SMAD9: variants seen among roughly 807,000 people sequenced by gnomAD.
SMAD9 encodes MAD homolog 9.
Under a neutral mutation model 46.1 loss-of-function variants are expected in SMAD9, and 36 were observed. The observed-to-expected ratio is 0.78, with a 90% CI of 0.60 to 1.03. SMAD9 has a LOEUF of 1.03. Among genes scored for constraint, SMAD9 ranks in the 50% least tolerant of loss-of-function variants. The pLI is 0.00. For synonymous variants in SMAD9, 245 were observed against 237.1 expected, an observed-to-expected ratio of 1.03 and a Z score of -0.31; for missense variants, 572 against 599.8, an observed-to-expected ratio of 0.95 and a Z score of 0.48.
chr13:36,885,643 G>A (rs1169865748), intron 1 of SMAD9, among the ~76,000 whole-genome samples: 1 of 151,700 alleles, frequency 6.6e-6, no homozygotes, highest in Non-Finnish European at 1.5e-5. Context: ...AGTTTTCTGG[G>A]TGGAATACCT....
intron 5 of SMAD9, among the ~76,000 whole-genome samples, chr13:36,863,846 C>G (rs1166993671): frequency 6.6e-6 from 1 of 152,136 alleles, no homozygotes; most frequent in African/African-American, 2.4e-5. Flanking sequence ...CCAAATAAAC[C>G]TCTTTTTTTA....
intron 1 of SMAD9, among the ~76,000 whole-genome samples, chr13:36,900,140 AAACAT>A (rs2058561869): frequency 6.6e-6 from 1 of 152,148 alleles, no homozygotes; most frequent in Admixed American, 6.5e-5. Flanking sequence ...ACTTTCCCTC[AAACAT>A]ACCAAGTATG....
At chr13:36,919,496 G>A (rs2058724421) in intron 1 of SMAD9, among the ~76,000 whole-genome samples, 1 of 152,122 alleles carries the variant, frequency 6.6e-6, no homozygotes, top group Non-Finnish European at 1.5e-5. Flanking sequence ...GGTAAACAAA[G>A]CAAAAAGCCT....
rs761812133 is a variant in SMAD9 at position 36,879,461 on chromosome 13, C to T, written c.229G>A (p.Gly77Arg). 23 of 1,613,804 alleles carry T rather than the reference C, an allele frequency of 1.4e-5. No homozygotes were observed. Among genetic ancestry groups the T allele is most frequent in the Non-Finnish European group, 1.9e-5 (22 of 1,180,032 alleles). The change falls in exon 2 of 7, where the codon GGG becomes AGG. Residue 77 changes from glycine to arginine, a missense_variant. Transcript: ENST00000379826. ...TTGCGGTGGGACACCTGCAGCCGCC[C>T]GTCCAGGGAGCGGGGAATCGTGACG... is the stretch of plus-strand genomic sequence containing the variant. ...KCVTIPRSLDGRLQVSHRKGL... is the reference protein window; with the variant it reads ...KCVTIPRSLDRRLQVSHRKGL...
intron 1 of SMAD9, among the ~76,000 whole-genome samples, chr13:36,911,094 C>A (rs181090892): frequency 5.6e-4 from 86 of 152,282 alleles, no homozygotes; most frequent in African/African-American, 1.9e-3. Context: ...CAGCCTCAAC[C>A]TGCCAGGCTC....
chr13:36,893,834 CAAG>C (rs946260466), intron 1 of SMAD9, among the ~76,000 whole-genome samples: 6 of 151,966 alleles, frequency 3.9e-5, no homozygotes, highest in African/African-American at 1.2e-4. Context: ...AGTAGCCCAA[CAAG>C]AAGATGTGGC....
intron 1 of SMAD9, among the ~76,000 whole-genome samples, chr13:36,907,489 G>A (rs370150455): frequency 5.3e-5 from 8 of 152,256 alleles, no homozygotes; most frequent in South Asian, 2.1e-4. Flanking sequence ...GCAACAGAGC[G>A]AGACCCCATC....
In SMAD9 at chr13:36,872,759, G is replaced by C; in HGVS notation, c.569C>G (p.Pro190Arg). The C allele has an allele frequency of 6.2e-7, 1 of 1,614,108 alleles. No homozygotes were observed. Among genetic ancestry groups the C allele is most frequent in the Non-Finnish European group, 8.5e-7 (1 of 1,180,022 alleles). ...GGAGAACGCGTGGCTGGGTGAGGGA[G>C]GGAGTGCAGAGCACGGAGGCTGCTG... ...SFQQPPCSALPPSPSHAFSQS... is the reference protein window; with the variant it reads ...SFQQPPCSALRPSPSHAFSQS... Residue 190 changes from proline (P) to arginine (R), a missense_variant, in exon 3 of 7, where the codon CCT becomes CGT. By Grantham distance (103) the Pro-to-Arg change is moderately radical. Coordinates refer to ENST00000379826, the MANE Select transcript of SMAD9 (RefSeq NM_001127217.3).
At chr13:36,903,417 AC>A (rs1335419746) in intron 1 of SMAD9, among the ~76,000 whole-genome samples, 15 of 151,886 alleles carry the variant, frequency 9.9e-5, no homozygotes, top group Admixed American at 9.8e-4. Context: ...CAGCCACCAC[AC>A]CCGGCCTGGA....
At position 36,879,777 on chromosome 13, in the gene SMAD9, T is replaced by C. The variant is rs2058386926; in HGVS notation, c.-88A>G. 2 of 1,469,388 alleles carry C rather than the reference T, an allele frequency of 1.4e-6. No individual in the cohort carries two copies. The highest frequency in any genetic ancestry group is 2.3e-5 in the East Asian group (1 of 44,074). 91.0% of individuals were successfully genotyped at this position (1,469,388 alleles called of 1,614,324 possible). A position where few individuals can be genotyped will look rare whatever the true frequency, so the allele number is the denominator to read the frequency against. ...GGCGAGTAGCTCTCCAGGGGTGGCA[T>C]AGGGACCAACCCGCCCGTTCTTCTG... is the stretch of plus-strand genomic sequence containing the variant. On this transcript the variant is annotated 5_prime_UTR_variant, in exon 2 of 7. An upstream start codon of the reference 5' UTR is lost. Coordinates refer to ENST00000379826, the MANE Select transcript of SMAD9 (RefSeq NM_001127217.3).
At position 36,891,595 on chromosome 13, in the gene SMAD9, A is replaced by G. The variant is rs1433927273; in HGVS notation, c.-186-11720T>C. The stretch of plus-strand genomic sequence containing the variant: ...AAAACTCTGGGCCAGGCCAGAAGTA[A>G]TGTATTTTCTTCATTACACCCGGCC... On this transcript the variant is annotated intron_variant, in intron 1 of 6. Transcript: ENST00000379826. Among the ~76,000 whole-genome samples the G allele has an allele frequency of 2.0e-5, 3 of 152,184 alleles. No homozygotes were observed. In the East Asian group the frequency reaches 5.8e-4, roughly 29 times the overall value.
At chr13:36,863,886 A>G (rs2058207157) in intron 5 of SMAD9, among the ~76,000 whole-genome samples, 2 of 152,156 alleles carry the variant, frequency 1.3e-5, no homozygotes, top group Admixed American at 6.5e-5. Context: ...GTATTCCTTT[A>G]TAGCAGTGAA....
chr13:36,889,997 T>C (rs2058476914), intron 1 of SMAD9, among the ~76,000 whole-genome samples: 1 of 152,186 alleles, frequency 6.6e-6, no homozygotes, highest in Admixed American at 6.5e-5. Context: ...TCATAATACA[T>C]GTAAAAATAT....
At chr13:36,902,594 T>C (rs1046361452) in intron 1 of SMAD9, among the ~76,000 whole-genome samples, 3 of 151,784 alleles carry the variant, frequency 2.0e-5, no homozygotes, top group African/African-American at 4.8e-5. Context: ...GCTGAGACTA[T>C]AGGTGCCCGC....
At chr13:36,891,132 G>A (rs959493425) in intron 1 of SMAD9, among the ~76,000 whole-genome samples, 4 of 148,846 alleles carry the variant, frequency 2.7e-5, no homozygotes, top group South Asian at 2.1e-4. Context: ...TAAGAAGAAT[G>A]AATGGCCATT....
intron 6 of SMAD9, 48 bp downstream of exon 6, chr13:36,853,371 T>C: frequency 6.2e-7 from 1 of 1,607,720 alleles, no homozygotes. Context: ...GCTTTTTTGT[T>C]TTGTTTTTCA....
At chr13:36,900,079 T>C (rs1004875663) in intron 1 of SMAD9, among the ~76,000 whole-genome samples, 5 of 152,248 alleles carry the variant, frequency 3.3e-5, no homozygotes, top group South Asian at 2.1e-4. Flanking sequence ...TGCCTTCTTT[T>C]CCTTCTACTC....
At chr13:36,876,181 G>A (rs667694) in intron 2 of SMAD9, among the ~76,000 whole-genome samples, 77,783 of 143,330 alleles carry the variant, frequency 0.54, 20,002 homozygotes, top group East Asian at 0.64. Context: ...AGTGTCACAC[G>A]GGGGGAGACA....
intron 2 of SMAD9, among the ~76,000 whole-genome samples, chr13:36,878,121 C>T (rs1324287096): frequency 6.6e-6 from 1 of 151,732 alleles, no homozygotes; most frequent in Non-Finnish European, 1.5e-5. Flanking sequence ...CAGGCTTCTC[C>T]AAGAGGAGGA....
Sources: gnomAD v4.1 joint callset for allele counts (sites outside exome capture counted in the v4.1 genomes callset) on GRCh38, gnomAD v4.1.1 for gene constraint, MANE v1.5 for transcripts, NCBI Gene and HGNC (gene_info 2026-07-23, HGNC 2026-07-21) for gene names.